Variants in BRIP1 observed in about 807,000 individuals in gnomAD.
BRIP1 encodes the protein Fanconi anemia group J protein.
A neutral mutation model predicts 119.7 loss-of-function variants in BRIP1; 88 were observed. That is an observed-to-expected ratio of 0.74 (90% CI 0.62 to 0.88). The LOEUF (loss-of-function observed/expected upper bound fraction) is 0.88. Ranked by LOEUF, BRIP1 falls within the 40% of genes least tolerant of loss-of-function variation. The probability of loss-of-function intolerance (pLI) is 0.00; values close to 1 mark genes in which losing one functional copy is unlikely to be tolerated. For missense variants in BRIP1, 1,259 were observed against 1,455.4 expected, an observed-to-expected ratio of 0.87 and a Z score of 2.20; for synonymous variants, 443 against 496.5, an observed-to-expected ratio of 0.89 and a Z score of 1.43.
intron 4 of BRIP1, among the ~76,000 whole-genome samples, chr17:61,855,109 G>C (rs2078877133): frequency 6.6e-6 from 1 of 150,986 alleles, no homozygotes; most frequent in African/African-American, 2.5e-5. Flanking sequence ...TGGTTGGGGA[G>C]GTGAGTCATG....
chr17:61,853,387 CT>C lies in BRIP1; in HGVS notation c.379+3670del, dbSNP rs199794796. ...TCTGGGGTGTTGGTAATGTCTCTCT[CT>C]TTTTTTTTTAATCTATGTAGTAGTT... On this transcript the variant is annotated intron_variant, in intron 4 of 19. Coordinates refer to ENST00000259008, the MANE Select transcript of BRIP1 (RefSeq NM_032043.3). The surrounding 1 kb of genome is among the most constrained non-coding windows in gnomAD (Gnocchi z 4.3). Among the ~76,000 whole-genome samples, 47 of 105,514 alleles carry C rather than the reference CT, an allele frequency of 4.5e-4. No individual in the cohort carries two copies. The highest frequency in any genetic ancestry group is 1.0e-3 in the African/African-American group (30 of 29,768). The allele number at this position is 105,514 out of a possible 152,430, so 69.2% of individuals were successfully genotyped here. A position where few individuals can be genotyped will look rare whatever the true frequency, so the allele number is the denominator to read the frequency against.
Position 61,769,120 on chromosome 17 carries a change from G to C in BRIP1, c.2097+7281C>G, listed in dbSNP as rs2077411939. On this transcript the variant is annotated intron_variant, in intron 14 of 19. Coordinates refer to ENST00000259008, the MANE Select transcript of BRIP1 (RefSeq NM_032043.3). The surrounding 1 kb of genome is among the most constrained non-coding windows in gnomAD (Gnocchi z 4.9). ...GATAAATTCTGCAAACAAACTGAGGGACCCTGGAAGCTAATCTTTCCCCAG... is the reference window on the plus strand; with the variant it reads ...GATAAATTCTGCAAACAAACTGAGGCACCCTGGAAGCTAATCTTTCCCCAG... 6.6e-6 allele frequency among the ~76,000 whole-genome samples: 1 copy of C among 152,088 alleles called. No individual in the cohort carries two copies.
At chr17:61,702,136 T>A (rs1470742145) in intron 17 of BRIP1, among the ~76,000 whole-genome samples, 1 of 152,228 alleles carries the variant, frequency 6.6e-6, no homozygotes, top group Non-Finnish European at 1.5e-5. Context: ...TTCTCATTGC[T>A]TTTAGAAATT....
At chr17:61,788,747 G>C (rs1053207529) in intron 10 of BRIP1, among the ~76,000 whole-genome samples, 1 of 152,046 alleles carries the variant, frequency 6.6e-6, no homozygotes, top group Non-Finnish European at 1.5e-5. Flanking sequence ...CCTGAGGCCA[G>C]GAGTTCAAGA....
Position 61,680,865 on chromosome 17 carries a change from A to G in BRIP1, c.*2431T>C, listed in dbSNP as rs989942289. Among the ~76,000 whole-genome samples the G allele has an allele frequency of 2.3e-4, 35 of 152,208 alleles. No individual in the cohort carries two copies. Among genetic ancestry groups the G allele is most frequent in the African/African-American group, 8.4e-4 (35 of 41,450 alleles). ...TAGCTTTCCAAGTTATTATGCACAT[A>G]TACCATCTGTGTCAGTCTGTTCTCA... On this transcript the variant is annotated 3_prime_UTR_variant, in exon 20 of 20. Transcript: ENST00000259008.
rs2077726783 is a variant in BRIP1, at chr17:61,786,984, ATATAAATT to A, written c.1474-2568_1474-2561del. ...ATATTATATTTATATTTATAAATTT[ATATAAATT>A]TATAAATAATTTTATAAAATTATAA... is the stretch of plus-strand genomic sequence containing the variant. On this transcript the variant is annotated intron_variant, in intron 10 of 19. Coordinates refer to ENST00000259008, the MANE Select transcript of BRIP1 (RefSeq NM_032043.3). Among the ~76,000 whole-genome samples, 4 of 7,004 alleles carry A rather than the reference ATATAAATT, an allele frequency of 5.7e-4. No homozygotes were observed. The South Asian group carries it at 0.018, about 32-fold the overall frequency. 4.6% of individuals were successfully genotyped at this position (7,004 alleles called of 152,430 possible). A position where few individuals can be genotyped will look rare whatever the true frequency, so the allele number is the denominator to read the frequency against.
Position 61,693,289 on chromosome 17 carries a change from C to A in BRIP1, c.2575+141G>T. ...AAGATTTAAAAGTTCTAGATATCTG[C>A]TGTGAAATACTGTGCTTATAGTTAA... is the stretch of plus-strand genomic sequence containing the variant. On this transcript the variant is annotated intron_variant, in intron 18 of 19. Transcript: ENST00000259008. This position sits in a 1 kb window ranked among gnomAD's most constrained non-coding sequence, Gnocchi z 4.2. 1 of 766,930 alleles carries A rather than the reference C, an allele frequency of 1.3e-6. No individual in the cohort carries two copies. The highest frequency in any genetic ancestry group is 2.2e-6 in the Non-Finnish European group (1 of 458,022). The allele number at this position is 766,930 out of a possible 1,614,324, so 47.5% of individuals were successfully genotyped here.
At position 61,704,433 on chromosome 17, in the gene BRIP1, T is replaced by C. The variant is rs573410169; in HGVS notation, c.2493-10921A>G. ...GAATTTTTTAGAAGGCTTTTAACTA[T>C]TAATTCTATTTCTTTGCTAGATAGC... On this transcript the variant is annotated intron_variant, in intron 17 of 19. Transcript: ENST00000259008. The surrounding 1 kb of genome is among the most constrained non-coding windows in gnomAD (Gnocchi z 5.7). Among the ~76,000 whole-genome samples the C allele has an allele frequency of 1.3e-5, 2 of 152,298 alleles. No individual in the cohort carries two copies. The highest frequency in any genetic ancestry group is 4.1e-4 in the South Asian group (2 of 4,828).
chr17:61,765,335 C>T (rs1173290951), intron 14 of BRIP1, among the ~76,000 whole-genome samples: 1 of 124,422 alleles, frequency 8.0e-6, no homozygotes, highest in African/African-American at 3.1e-5. Context: ...CACACATACA[C>T]ATATACACAT....
intron 14 of BRIP1, among the ~76,000 whole-genome samples, chr17:61,772,838 A>C (rs960042532): frequency 2.0e-4 from 30 of 151,394 alleles, no homozygotes; most frequent in Admixed American, 1.3e-3. Flanking sequence ...AAAAAAAAAA[A>C]AAAAACCTAA....
chr17:61,787,039 T>C (rs1391633978), intron 10 of BRIP1, among the ~76,000 whole-genome samples: 2 of 116,158 alleles, frequency 1.7e-5, no homozygotes, highest in Non-Finnish European at 3.2e-5. Flanking sequence ...AATAAATTTA[T>C]ATAAATTTAT....
At chr17:61,801,596 G>A (rs565959574) in intron 7 of BRIP1, 122 bp from the exon 8 acceptor site, 25 of 916,648 alleles carry the variant, frequency 2.7e-5, no homozygotes, top group East Asian at 7.7e-5. Flanking sequence ...TACTGGCTAC[G>A]CCACCACACC....
Position 61,760,731 on chromosome 17 carries a change from A to T in BRIP1, c.2097+15670T>A, listed in dbSNP as rs941813355. Reference sequence around the variant, plus strand: ...ACAACCTACCAAGACTGCATCATAAAGAAATAGAAAATTTAAACAGACCAA... The same window carrying T: ...ACAACCTACCAAGACTGCATCATAATGAAATAGAAAATTTAAACAGACCAA... On this transcript the variant is annotated intron_variant, in intron 14 of 19. Transcript: ENST00000259008. This position sits in a 1 kb window ranked among gnomAD's most constrained non-coding sequence, Gnocchi z 4.6. Among the ~76,000 whole-genome samples, 1 of 152,092 alleles carries T rather than the reference A, an allele frequency of 6.6e-6. No individual in the cohort carries two copies. Among genetic ancestry groups the T allele is most frequent in the Non-Finnish European group, 1.5e-5 (1 of 67,942 alleles).
chr17:61,752,605 T>C lies in BRIP1; in HGVS notation c.2098-8014A>G, dbSNP rs2144768905. On this transcript the variant is annotated intron_variant, in intron 14 of 19. Coordinates refer to ENST00000259008, the MANE Select transcript of BRIP1 (RefSeq NM_032043.3). This position sits in a 1 kb window ranked among gnomAD's most constrained non-coding sequence, Gnocchi z 6.2. ...CCTGTAGTACATCAACCAGTTTTCT[T>C]ATAGTCTATTCCTTTATTAAATTGC... Among the ~76,000 whole-genome samples, 1 of 152,344 alleles carries C rather than the reference T, an allele frequency of 6.6e-6. No homozygotes were observed. Among genetic ancestry groups the C allele is most frequent in the East Asian group, 1.9e-4 (1 of 5,190 alleles).
chr17:61,716,144 G>T, intron 16 of BRIP1, 81 bp from the exon 17 acceptor site: 1 of 852,144 alleles, frequency 1.2e-6, no homozygotes, highest in African/African-American at 1.7e-5. Context: ...CTAACAGTTT[G>T]AATATACATA....
At position 61,861,310 on chromosome 17, in the gene BRIP1, G is replaced by A; in HGVS notation, c.93+137C>T. On this transcript the variant is annotated intron_variant, in intron 2 of 19. Coordinates refer to ENST00000259008, the MANE Select transcript of BRIP1 (RefSeq NM_032043.3). This position sits in a 1 kb window ranked among gnomAD's most constrained non-coding sequence, Gnocchi z 4.5. Reference sequence around the variant, plus strand: ...AGCTGCAATCAGTAGTTTCCCAGAGGTTAGATATTCTTCCAAGTGAACCCA... The same window carrying A: ...AGCTGCAATCAGTAGTTTCCCAGAGATTAGATATTCTTCCAAGTGAACCCA... 1.4e-6 allele frequency: 1 copy of A among 702,192 alleles called. No homozygotes were observed. The highest frequency in any genetic ancestry group is 1.6e-5 in the South Asian group (1 of 63,716). 43.5% of individuals were successfully genotyped at this position (702,192 alleles called of 1,614,324 possible). A position where few individuals can be genotyped will look rare whatever the true frequency, so the allele number is the denominator to read the frequency against.
chr17:61,784,825 A>C (rs79429591), intron 10 of BRIP1, among the ~76,000 whole-genome samples: 185 of 152,282 alleles, frequency 1.2e-3, no homozygotes, highest in Non-Finnish European at 2.2e-3. Context: ...CCATCAGTGG[A>C]AGCAGGCTAA....
intron 16 of BRIP1, among the ~76,000 whole-genome samples, chr17:61,733,581 A>G (rs1603300356): frequency 6.6e-6 from 1 of 152,190 alleles, no homozygotes; most frequent in East Asian, 1.9e-4. Context: ...TATAACTAAA[A>G]TAGATGTCTG....
At position 61,724,279 on chromosome 17, in the gene BRIP1, CATT is replaced by C. The variant is rs1274851822; in HGVS notation, c.2380-8219_2380-8217del. On this transcript the variant is annotated intron_variant, in intron 16 of 19. Coordinates refer to ENST00000259008, the MANE Select transcript of BRIP1 (RefSeq NM_032043.3). The surrounding 1 kb of genome is among the most constrained non-coding windows in gnomAD (Gnocchi z 5.1). Reference sequence around the variant, plus strand: ...TATGATTTTGGATTCTGATTTTTACCATTATATCATAATGTACTTGAGATTGAA... The same window carrying C: ...TATGATTTTGGATTCTGATTTTTACCATATCATAATGTACTTGAGATTGAA... Among the ~76,000 whole-genome samples the C allele has an allele frequency of 6.6e-6, 1 of 151,952 alleles. No homozygotes were observed. The highest frequency in any genetic ancestry group is 1.9e-4 in the East Asian group (1 of 5,188).
Sources: allele counts gnomAD v4.1 joint callset (sites outside exome capture counted in the v4.1 genomes callset), GRCh38; gene constraint gnomAD v4.1.1; non-coding constraint Gnocchi (gnomAD v3.1); transcripts MANE v1.5; gene names NCBI Gene and HGNC (gene_info 2026-07-23, HGNC 2026-07-21).